MEF2A: variants seen among roughly 807,000 people sequenced by gnomAD.
MEF2A encodes the protein myocyte-specific enhancer factor 2A.
Under a neutral mutation model 55.8 loss-of-function variants are expected in MEF2A, and 28 were observed. The ratio of observed to expected loss-of-function variants is 0.50; its 90% CI spans 0.37 to 0.69. MEF2A has a LOEUF of 0.69. MEF2A is among the 30% of genes least tolerant of loss of function. The probability of loss-of-function intolerance (pLI) is 0.00; values close to 1 mark genes in which losing one functional copy is unlikely to be tolerated. For synonymous variants in MEF2A, 239 were observed against 227.1 expected, an observed-to-expected ratio of 1.05 and a Z score of -0.47; for missense variants, 528 against 626.2, an observed-to-expected ratio of 0.84 and a Z score of 1.67.
intron 8 of MEF2A, among the ~76,000 whole-genome samples, chr15:99,696,003 C>T (rs2056419655): frequency 6.6e-6 from 1 of 152,148 alleles, no homozygotes; most frequent in African/African-American, 2.4e-5. Context: ...ATATAAGCTT[C>T]ACAACAAGGA....
chr15:99,572,080 T>C (rs2152737723), intron 1 of MEF2A, among the ~76,000 whole-genome samples: 1 of 149,382 alleles, frequency 6.7e-6, no homozygotes, highest in African/African-American at 2.4e-5. Context: ...TATTGGATCA[T>C]ATCATTTCTC....
Position 99,671,390 on chromosome 15 carries a change from C to G in MEF2A, c.326C>G (p.Pro109Arg), listed in dbSNP as rs762826611. Reference sequence around the variant, plus strand: ...GCTGACGATTACTTTGAGCACAGTCCACTCTCGGAGGACAGATTCAGCAAA... The same window carrying G: ...GCTGACGATTACTTTGAGCACAGTCGACTCTCGGAGGACAGATTCAGCAAA... The part of the protein sequence containing the change: ...PDADDYFEHS[P>R]LSEDRFSKLN... Residue 109 changes from proline to arginine, a missense_variant, in exon 5 of 12, where the codon CCA (proline) becomes CGA (arginine). By Grantham distance (103) the Pro-to-Arg change is moderately radical. This residue lies in a region of MEF2A where 78 missense variants were observed against 150.9 expected (regional missense o/e 0.52). Coordinates refer to ENST00000557942, the MANE Select transcript of MEF2A (RefSeq NM_001319206.4). The G allele has an allele frequency of 1.2e-6, 2 of 1,613,782 alleles. No individual in the cohort carries two copies. The highest frequency in any genetic ancestry group is 1.7e-6 in the Non-Finnish European group (2 of 1,179,760).
At chr15:99,706,486 TC>T (rs2058054152) in intron 9 of MEF2A, 3 of 456,052 alleles carry the variant, frequency 6.6e-6, no homozygotes, top group Non-Finnish European at 1.2e-5. Context: ...TAACAGAAGT[TC>T]CTATTTTAAC....
intron 4 of MEF2A, among the ~76,000 whole-genome samples, chr15:99,670,177 C>A (rs899365463): frequency 6.6e-6 from 1 of 151,956 alleles, no homozygotes; most frequent in Non-Finnish European, 1.5e-5. Context: ...TTAATTTATC[C>A]TTTTAAGTAC....
chr15:99,617,762 G>A (rs182484438), intron 2 of MEF2A, among the ~76,000 whole-genome samples: 63 of 151,988 alleles, frequency 4.1e-4, no homozygotes, highest in Non-Finnish European at 8.7e-4. Context: ...ATAACTATTA[G>A]CATAGTCTCT....
intron 8 of MEF2A, among the ~76,000 whole-genome samples, chr15:99,701,265 C>G (rs2057361662): frequency 6.6e-6 from 1 of 152,194 alleles, no homozygotes; most frequent in Admixed American, 6.5e-5. Context: ...GCTAAGAAAG[C>G]CATGTCTCTT....
chr15:99,610,566 G>A (rs369846637), intron 2 of MEF2A, among the ~76,000 whole-genome samples: 2 of 151,990 alleles, frequency 1.3e-5, no homozygotes, highest in African/African-American at 2.4e-5. Flanking sequence ...CAAAGCTACT[G>A]TAACCTAGAC....
intron 8 of MEF2A, among the ~76,000 whole-genome samples, chr15:99,697,104 G>A (rs1377129083): frequency 6.6e-6 from 1 of 151,770 alleles, no homozygotes; most frequent in African/African-American, 2.4e-5. Context: ...TTAATAAAGA[G>A]CATCTACAAA....
chr15:99,713,105 A>C lies in MEF2A; in HGVS notation c.*334A>C. On this transcript the variant is annotated 3_prime_UTR_variant, in exon 12 of 12. Coordinates refer to ENST00000557942, the MANE Select transcript of MEF2A (RefSeq NM_001319206.4). Reference sequence around the variant, plus strand: ...TGCAGAGAAACGTGTACCCATATATAATTCTCCCACACTAGCTTGCAGAAA... The same window carrying C: ...TGCAGAGAAACGTGTACCCATATATCATTCTCCCACACTAGCTTGCAGAAA... 1 of 442,418 alleles carries C rather than the reference A, an allele frequency of 2.3e-6. No homozygotes were observed. Among genetic ancestry groups the C allele is most frequent in the Non-Finnish European group, 4.0e-6 (1 of 251,128 alleles). 27.4% of individuals were successfully genotyped at this position (442,418 alleles called of 1,614,324 possible). A position where few individuals can be genotyped will look rare whatever the true frequency, so the allele number is the denominator to read the frequency against.
chr15:99,572,331 C>G (rs1321329213), intron 1 of MEF2A, among the ~76,000 whole-genome samples: 1 of 152,240 alleles, frequency 6.6e-6, no homozygotes, highest in Non-Finnish European at 1.5e-5. Flanking sequence ...TGGCTAAACA[C>G]TTTGGAGTTT....
intron 2 of MEF2A, among the ~76,000 whole-genome samples, chr15:99,604,380 T>A (rs1442173923): frequency 6.6e-6 from 1 of 152,188 alleles, no homozygotes; most frequent in African/African-American, 2.4e-5. Flanking sequence ...AACAGTACCA[T>A]GCCTTCAAGT....
chr15:99,716,413 A>T lies in MEF2A; in HGVS notation c.*3642A>T, dbSNP rs325380. 8 of 426,690 alleles carry T rather than the reference A, an allele frequency of 1.9e-5. No individual in the cohort carries two copies. Among genetic ancestry groups the T allele is most frequent in the Middle Eastern group, 3.4e-4 (1 of 2,980 alleles). 26.4% of individuals were successfully genotyped at this position (426,690 alleles called of 1,614,324 possible). On this transcript the variant is annotated 3_prime_UTR_variant, in exon 12 of 12. Coordinates refer to ENST00000557942, the MANE Select transcript of MEF2A (RefSeq NM_001319206.4). ...TAGTGAACTTTTTATCAAATGGTGA[A>T]GACAATGCTAAAGGTTGTTGTAAAC...
At chr15:99,610,274 T>G (rs1976678165) in intron 2 of MEF2A, among the ~76,000 whole-genome samples, 1 of 151,930 alleles carries the variant, frequency 6.6e-6, no homozygotes, top group African/African-American at 2.4e-5. Context: ...TTGACAGAAA[T>G]TAAAGAAGAC....
intron 2 of MEF2A, among the ~76,000 whole-genome samples, chr15:99,608,568 A>G (rs1454852491): frequency 1.3e-5 from 2 of 152,142 alleles, no homozygotes; most frequent in Admixed American, 6.6e-5. Context: ...TGTATTGACT[A>G]TTTTACCTAA....
intron 4 of MEF2A, among the ~76,000 whole-genome samples, chr15:99,654,322 AT>A (rs1185093953): frequency 1.3e-5 from 2 of 152,012 alleles, no homozygotes; most frequent in African/African-American, 2.4e-5. Context: ...TATTTATTGA[AT>A]GGTTAGTGTA....
intron 5 of MEF2A, among the ~76,000 whole-genome samples, chr15:99,673,605 G>A (rs1032882762): frequency 3.6e-4 from 55 of 152,140 alleles, no homozygotes; most frequent in Non-Finnish European, 6.9e-4. Context: ...TGGTTAACAA[G>A]CATATTGTAA....
chr15:99,596,718 G>A (rs1971298079), intron 1 of MEF2A, among the ~76,000 whole-genome samples: 1 of 152,200 alleles, frequency 6.6e-6, no homozygotes, highest in Non-Finnish European at 1.5e-5. Flanking sequence ...TAGGAGCGAG[G>A]AGAGAGATAG....
chr15:99,667,354 G>A (rs910329486), intron 4 of MEF2A, among the ~76,000 whole-genome samples: 2 of 152,078 alleles, frequency 1.3e-5, no homozygotes, highest in African/African-American at 4.8e-5. Flanking sequence ...CCGAGTAGCT[G>A]GGACTACAGG....
rs750522839 is a variant in MEF2A, at chr15:99,703,386, G to T, written c.882+1G>T. 1 of 1,607,622 alleles carries T rather than the reference G, an allele frequency of 6.2e-7. No homozygotes were observed. The highest frequency in any genetic ancestry group is 1.1e-5 in the South Asian group (1 of 89,718). ...GTCGGAGGAAGAGGAATTGGAGTTG[G>T]TGAGTGTGGGTTTCTGCTTGAAGGA... On this transcript the variant is annotated splice_donor_variant, in intron 9 of 11. Transcript: ENST00000557942. LOFTEE classifies it high-confidence loss of function.
Sources: allele counts gnomAD v4.1 joint callset (sites outside exome capture counted in the v4.1 genomes callset), GRCh38; gene constraint gnomAD v4.1.1; regional missense constraint gnomAD v4.1.1; transcripts MANE v1.5; gene names NCBI Gene and HGNC (gene_info 2026-07-23, HGNC 2026-07-21).